Variants in ZDHHC16 observed in about 807,000 individuals in gnomAD.
The protein encoded by ZDHHC16 is zDHHC palmitoyltransferase 16.
ZDHHC16 carries 33 observed loss-of-function variants against 54.4 expected under a neutral mutation model. The ratio of observed to expected loss-of-function variants is 0.61; its 90% CI spans 0.46 to 0.81. ZDHHC16 has a LOEUF of 0.81. Ranked by LOEUF, ZDHHC16 falls within the 30% of genes least tolerant of loss-of-function variation. The pLI, the probability that ZDHHC16 is intolerant of heterozygous loss-of-function variation, is 0.00. For synonymous variants in ZDHHC16, 185 were observed against 182.1 expected (o/e 1.02, Z -0.13); for missense variants, 420 against 485.9 (o/e 0.86, Z 1.28).
intron 11 of ZDHHC16, chr10:97,456,534 C>T (rs1847237936): frequency 5.3e-6 from 2 of 377,908 alleles, no homozygotes; most frequent in African/African-American, 4.1e-5. Context: ...ATGTACATGA[C>T]ACTCCTATCA....
At chr10:97,446,993 G>A (rs1846120231) in intron 1 of ZDHHC16, among the ~76,000 whole-genome samples, 1 of 152,158 alleles carries the variant, frequency 6.6e-6, no homozygotes, top group East Asian at 1.9e-4. Flanking sequence ...ACAGGCATGA[G>A]CCACTGCCTC....
At chr10:97,448,087 A>G (rs1390283250) in intron 1 of ZDHHC16, 1 of 152,208 alleles carries the variant, frequency 6.6e-6, no homozygotes, top group Non-Finnish European at 1.5e-5. Context: ...TTCTGTTTAC[A>G]CGGTTGGGCT....
chr10:97,453,790 T>A lies in ZDHHC16; in HGVS notation c.691-9T>A. ...AGAGTATAACCAGCACTGTTTTCCGTCCCCTTAGAAAATGAAACAGCTCGA... is the reference window on the plus strand; with the variant it reads ...AGAGTATAACCAGCACTGTTTTCCGACCCCTTAGAAAATGAAACAGCTCGA... On this transcript the variant is annotated splice_polypyrimidine_tract_variant and intron_variant, in intron 7 of 11. Coordinates refer to ENST00000393760, the MANE Select transcript of ZDHHC16 (RefSeq NM_198046.3). 1.2e-6 allele frequency: 2 copies of A among 1,614,052 alleles called. No homozygotes were observed. The highest frequency in any genetic ancestry group is 1.7e-6 in the Non-Finnish European group (2 of 1,180,010).
rs1291222846 is a variant in ZDHHC16, at chr10:97,446,259, G to C, written c.-280G>C. Reference sequence around the variant, plus strand: ...GCCATGGTGGTTTGGATTGAGCCGGGCCCGGCCGGGGCGCCGAGTCGGAGG... The same window carrying C: ...GCCATGGTGGTTTGGATTGAGCCGGCCCCGGCCGGGGCGCCGAGTCGGAGG... On this transcript the variant is annotated 5_prime_UTR_variant, in exon 1 of 12. Coordinates refer to ENST00000393760, the MANE Select transcript of ZDHHC16 (RefSeq NM_198046.3). 1.8e-6 allele frequency: 1 copy of C among 551,460 alleles called. No individual in the cohort carries two copies. Among genetic ancestry groups the C allele is most frequent in the Non-Finnish European group, 3.2e-6 (1 of 309,868 alleles). 34.2% of individuals were successfully genotyped at this position (551,460 alleles called of 1,614,324 possible). A position where few individuals can be genotyped will look rare whatever the true frequency, so the allele number is the denominator to read the frequency against.
At chr10:97,453,488 G>C (rs1360510130) in intron 6 of ZDHHC16, 42 bp from the exon 7 acceptor site, 2 of 1,604,950 alleles carry the variant, frequency 1.2e-6, no homozygotes, top group Non-Finnish European at 1.7e-6. Context: ...GACACCGCCT[G>C]AAATTGTGTT....
At chr10:97,450,026 C>G (rs4917770) in intron 1 of ZDHHC16, among the ~76,000 whole-genome samples, 4 of 150,210 alleles carry the variant, frequency 2.7e-5, no homozygotes, top group Non-Finnish European at 4.4e-5. Flanking sequence ...CGCCCGCCAC[C>G]GCGCCCGGCT....
Position 97,456,838 on chromosome 10 carries a change from TGGGA to T in ZDHHC16, c.1083_1086del (p.Trp361CysfsTer6). 3 of 1,613,846 alleles carry T rather than the reference TGGGA, an allele frequency of 1.9e-6. No individual in the cohort carries two copies. Among genetic ancestry groups the T allele is most frequent in the Non-Finnish European group, 2.5e-6 (3 of 1,179,862 alleles). ...CTTGCCCCATGGGAATGGAATGAGC[TGGGA>T]GCCCCCTCCCTGGGTGACTGCTCAC... On this transcript the variant is annotated frameshift_variant, in exon 12 of 12. Transcript: ENST00000393760. LOFTEE classifies it high-confidence loss of function.
Position 97,456,026 on chromosome 10 carries a change from T to C in ZDHHC16, c.1001T>C (p.Leu334Pro), listed in dbSNP as rs1310432561. The C allele has an allele frequency of 1.2e-6, 2 of 1,614,190 alleles. No homozygotes were observed. The highest frequency in any genetic ancestry group is 8.5e-7 in the Non-Finnish European group (1 of 1,180,018). The stretch of plus-strand genomic sequence containing the variant: ...TGCTTGGACAACTGGAAGGTATTCC[T>C]GGGTGTGGATACAGGAAGGTAATGT... ...YGCLDNWKVF[L>P]GVDTGRHWLT... is the part of the protein sequence containing the mutation. The change falls in exon 11 of 12, where the codon CTG (leucine) becomes CCG (proline). Residue 334 changes from leucine (L) to proline (P), a missense_variant. Physicochemically the swap from Leu to Pro is moderately conservative, Grantham distance 98. Transcript: ENST00000393760.
At chr10:97,454,408 G>A (rs1846967996) in intron 8 of ZDHHC16, among the ~76,000 whole-genome samples, 1 of 152,214 alleles carries the variant, frequency 6.6e-6, no homozygotes, top group Non-Finnish European at 1.5e-5. Flanking sequence ...TGCAGTGAAG[G>A]AGTTCTGGCT....
At chr10:97,453,442 TA>T in intron 6 of ZDHHC16, 87 bp from the exon 7 acceptor site, 1 of 1,534,460 alleles carries the variant, frequency 6.5e-7, no homozygotes, top group Non-Finnish European at 8.8e-7. Flanking sequence ...GCTTGGGTGA[TA>T]TTGTCAGGAA....
chr10:97,454,730 C>T lies in ZDHHC16; in HGVS notation c.755C>T (p.Pro252Leu), dbSNP rs759850310. 1.2e-6 allele frequency: 2 copies of T among 1,614,200 alleles called. No homozygotes were observed. Among genetic ancestry groups the T allele is most frequent in the Admixed American group, 1.7e-5 (1 of 60,018 alleles). Residue 252 changes from proline (P) to leucine (L), a missense_variant, in exon 9 of 12, where the codon CCA becomes CTA. By Grantham distance (98) the Pro-to-Leu change is moderately conservative. Coordinates refer to ENST00000393760, the MANE Select transcript of ZDHHC16 (RefSeq NM_198046.3). ...TTTTTCTAGACTTATCACCAGACCC[C>T]ACCACCCACCTTCTCCTTTCGAGAA... ...AVANQTYHQT[P>L]PPTFSFRERM...
chr10:97,455,499 A>T, intron 9 of ZDHHC16, 161 bp from the exon 10 acceptor site: 1 of 1,231,820 alleles, frequency 8.1e-7, no homozygotes, highest in Non-Finnish European at 1.1e-6. Context: ...TGCTCTTTAT[A>T]GACATAGTGA....
Position 97,452,292 on chromosome 10 carries a change from C to T in ZDHHC16, c.438+8C>T. 1 of 1,614,014 alleles carries T rather than the reference C, an allele frequency of 6.2e-7. No individual in the cohort carries two copies. Among genetic ancestry groups the T allele is most frequent in the Non-Finnish European group, 8.5e-7 (1 of 1,179,944 alleles). On this transcript the variant is annotated splice_region_variant and intron_variant, in intron 4 of 11. Transcript: ENST00000393760. ...CCTGGGTACCCACCCCAGGTGGGTC[C>T]TCACAGGAGCACTGGGGGAAGTTGC... is the stretch of plus-strand genomic sequence containing the variant.
At chr10:97,452,574 T>C (rs139589130) in intron 5 of ZDHHC16, 71 bp downstream of exon 5, 3 of 1,503,818 alleles carry the variant, frequency 2.0e-6, no homozygotes, top group Non-Finnish European at 1.8e-6. Context: ...AAACCTAACC[T>C]TGAGTTTGCT....
Position 97,452,158 on chromosome 10 carries a change from T to A in ZDHHC16, c.312T>A (p.Pro104=). The A allele has an allele frequency of 1.2e-6, 2 of 1,614,120 alleles. No homozygotes were observed. The highest frequency in any genetic ancestry group is 4.5e-5 in the East Asian group (2 of 44,870). ...IVAIAYLCVL[P]LILRTYSVPR... ...CTATCGCCTACCTGTGTGTCCTGCC[T>A]CTCATCCTCCGAACCTACTCAGTGC... The change falls in exon 4 of 12, where the codon CCT becomes CCA. Residue 104 remains proline (P), a synonymous_variant. Coordinates refer to ENST00000393760, the MANE Select transcript of ZDHHC16 (RefSeq NM_198046.3).
chr10:97,454,113 G>A (rs1169008790), intron 8 of ZDHHC16, among the ~76,000 whole-genome samples: 1 of 152,190 alleles, frequency 6.6e-6, no homozygotes, highest in Non-Finnish European at 1.5e-5. Flanking sequence ...CCTTGGTGAT[G>A]GCCTGAGCAG....
chr10:97,449,621 C>T (rs1376416353), intron 1 of ZDHHC16, among the ~76,000 whole-genome samples: 1 of 152,048 alleles, frequency 6.6e-6, no homozygotes, highest in Non-Finnish European at 1.5e-5. Flanking sequence ...CTCCACCTCC[C>T]GGGTTTCAGC....
At position 97,452,593 on chromosome 10, in the gene ZDHHC16, G is replaced by C. The variant is rs868560905; in HGVS notation, c.527+90G>C. 9 of 1,379,816 alleles carry C rather than the reference G, an allele frequency of 6.5e-6. No homozygotes were observed. The Middle Eastern group carries it at 5.5e-4, about 84-fold the overall frequency. 85.5% of individuals were successfully genotyped at this position (1,379,816 alleles called of 1,614,324 possible). ...CTAACCTTGAGTTTGCTAAGACATG[G>C]GTGAATCACCCATCGTGTCCCAGGT... On this transcript the variant is annotated intron_variant, in intron 5 of 11. Coordinates refer to ENST00000393760, the MANE Select transcript of ZDHHC16 (RefSeq NM_198046.3).
chr10:97,456,257 A>G, intron 11 of ZDHHC16: 2 of 532,078 alleles, frequency 3.8e-6, no homozygotes, highest in South Asian at 3.2e-5. Context: ...ACGTGACTAC[A>G]GTGGAATCCT....
Sources: allele counts gnomAD v4.1 joint callset (sites outside exome capture counted in the v4.1 genomes callset), GRCh38; gene constraint gnomAD v4.1.1; transcripts MANE v1.5; gene names NCBI Gene and HGNC (gene_info 2026-07-23, HGNC 2026-07-21).